Variants in TAF2 observed in about 807,000 individuals in gnomAD.
TAF2 encodes TATA-box binding protein associated factor 2.
In TAF2, 61 loss-of-function variants were observed where a neutral mutation model predicts 138.5. That is an observed-to-expected ratio of 0.44 (90% CI 0.36 to 0.54). TAF2 has a LOEUF of 0.54. Ranked by LOEUF, TAF2 falls within the 20% of genes least tolerant of loss-of-function variation. The pLI is 0.00. For missense variants in TAF2, 1,090 were observed against 1,427.9 expected (o/e 0.76, Z 3.81); for synonymous variants, 475 against 469.9 (o/e 1.01, Z -0.14).
Position 119,788,776 on chromosome 8 carries a change from G to A in TAF2, c.1683+14C>T. 2 of 1,586,558 alleles carry A rather than the reference G, an allele frequency of 1.3e-6. No individual in the cohort carries two copies. The highest frequency in any genetic ancestry group is 1.7e-6 in the Non-Finnish European group (2 of 1,155,024). On this transcript the variant is annotated intron_variant, in intron 13 of 25. Coordinates refer to ENST00000378164, the MANE Select transcript of TAF2 (RefSeq NM_003184.4). ...GAGATAGCAGTACAAAGGCGATTTT[G>A]GAAAAAGACTTACCACGTATTTCTG...
chr8:119,749,176 C>T (rs369116307), intron 22 of TAF2, among the ~76,000 whole-genome samples: 5 of 152,062 alleles, frequency 3.3e-5, no homozygotes, highest in East Asian at 1.9e-4. Flanking sequence ...TGTTTTTGAA[C>T]GTCAGCTTAA....
chr8:119,822,398 T>G (rs1389493749), intron 2 of TAF2, among the ~76,000 whole-genome samples: 1 of 151,926 alleles, frequency 6.6e-6, no homozygotes, highest in Non-Finnish European at 1.5e-5. Flanking sequence ...AATTAAAAAT[T>G]TTTTTCTCTA....
chr8:119,762,381 A>T, intron 19 of TAF2, 34 bp downstream of exon 19: 3 of 1,580,156 alleles, frequency 1.9e-6, no homozygotes, highest in Non-Finnish European at 2.6e-6. Flanking sequence ...AGTTATAAGA[A>T]CATATAACTT....
chr8:119,819,604 A>C, intron 2 of TAF2, 98 bp from the exon 3 acceptor site: 1 of 992,788 alleles, frequency 1.0e-6, no homozygotes, highest in South Asian at 1.3e-5. Flanking sequence ...TATACTACAG[A>C]GACAAAATCC....
chr8:119,812,817 ATACACAC>A (rs1288027961), intron 3 of TAF2, among the ~76,000 whole-genome samples: 2 of 14 alleles, frequency 0.14, no homozygotes, highest in African/African-American at 0.5. Context: ...TACACCACAC[ATACACAC>A]CATTTCCTTT....
intron 2 of TAF2, among the ~76,000 whole-genome samples, chr8:119,824,371 G>T (rs1462096816): frequency 6.6e-6 from 1 of 151,048 alleles, no homozygotes; most frequent in Non-Finnish European, 1.5e-5. Context: ...GGAGGTTGCA[G>T]CGAGCTGAGA....
At chr8:119,779,280 AC>A (rs1822477605) in intron 17 of TAF2, among the ~76,000 whole-genome samples, 2 of 150,720 alleles carry the variant, frequency 1.3e-5, no homozygotes, top group African/African-American at 4.9e-5. Context: ...ACACACACAC[AC>A]TTCAGATGCA....
At chr8:119,744,968 C>T in intron 23 of TAF2, 1 of 456,252 alleles carries the variant, frequency 2.2e-6, no homozygotes, top group Non-Finnish European at 4.4e-6. Context: ...GTGTATCAGA[C>T]TTCCTCTTCA....
intron 25 of TAF2, among the ~76,000 whole-genome samples, chr8:119,737,499 CTTTT>C (rs1275299646): frequency 7.3e-6 from 1 of 136,700 alleles, no homozygotes; most frequent in African/African-American, 2.5e-5. Flanking sequence ...AAGCTTTCAT[CTTTT>C]TCTTTTTCTT....
At chr8:119,830,853 C>G (rs2131278103) in intron 2 of TAF2, among the ~76,000 whole-genome samples, 1 of 152,276 alleles carries the variant, frequency 6.6e-6, no homozygotes, top group East Asian at 1.9e-4. Context: ...TGCCTGTAAT[C>G]CCAGCATTTT....
At position 119,797,687 on chromosome 8, in the gene TAF2, C is replaced by T; in HGVS notation, c.952G>A (p.Ala318Thr). 6.2e-7 allele frequency: 1 copy of T among 1,613,380 alleles called. No homozygotes were observed. Among genetic ancestry groups the T allele is most frequent in the Non-Finnish European group, 8.5e-7 (1 of 1,179,660 alleles). ...CTAAAAATGCTCATGGAAGCATAAGCAGCCACTTCAACATAAGCCTCATCA... is the reference window on the plus strand; with the variant it reads ...CTAAAAATGCTCATGGAAGCATAAGTAGCCACTTCAACATAAGCCTCATCA... ...FIDEAYVEVA[A>T]YASMSIFSTN... The change falls in exon 7 of 26, where the codon GCT (alanine) becomes ACT (threonine). Residue 318 changes from alanine to threonine, a missense_variant. Physicochemically the swap from Ala to Thr is moderately conservative, Grantham distance 58. Transcript: ENST00000378164.
intron 14 of TAF2, 71 bp from the exon 15 acceptor site, chr8:119,785,337 A>T (rs550693313): frequency 9.7e-7 from 1 of 1,035,098 alleles, no homozygotes. Context: ...ACAGCAGCTA[A>T]AATTCAAATA....
rs1305661696 is a variant in TAF2, at chr8:119,772,891, CAT to C, written c.2364+5126_2364+5127del. ...GGTGGAGGTTGCAGTGAGCCGAGAT[CAT>C]GCCACTGCACTCCAGTCTGGTTAAC... is the stretch of plus-strand genomic sequence containing the variant. On this transcript the variant is annotated intron_variant, in intron 18 of 25. Transcript: ENST00000378164. Among the ~76,000 whole-genome samples, 664 of 149,144 alleles carry C rather than the reference CAT, an allele frequency of 4.5e-3. 25 individuals are homozygous for C. The highest frequency in any genetic ancestry group is 0.04 in the Admixed American group (538 of 13,502).
At chr8:119,757,699 C>G (rs540495318) in intron 21 of TAF2, among the ~76,000 whole-genome samples, 103 of 151,828 alleles carry the variant, frequency 6.8e-4, no homozygotes, top group African/African-American at 2.4e-3. Flanking sequence ...AGTTCGAGAC[C>G]AGCCTGGCCA....
In TAF2 at chr8:119,746,806, C is replaced by T. The variant is rs908127203; in HGVS notation, c.3007G>A (p.Ala1003Thr). ...GGAATTATGGTAGGATTCAAGACAG[C>T]TTTTTTCTCCTTTAGATTAAGAACC... The part of the protein sequence containing the change: ...GLVLNLKEKK[A>T]VLNPTIIPES... The change falls in exon 23 of 26, where the codon GCT becomes ACT. Residue 1003 changes from alanine to threonine, a missense_variant. This residue lies in a region of TAF2 where 580 missense variants were observed against 719.6 expected (regional missense o/e 0.81). Transcript: ENST00000378164. 1.9e-6 allele frequency: 3 copies of T among 1,614,132 alleles called. No individual in the cohort carries two copies. The highest frequency in any genetic ancestry group is 1.1e-5 in the South Asian group (1 of 91,082).
chr8:119,748,210 A>G (rs991706165), intron 22 of TAF2, among the ~76,000 whole-genome samples: 7 of 152,102 alleles, frequency 4.6e-5, no homozygotes, highest in African/African-American at 1.4e-4. Flanking sequence ...CTGTTGTTTC[A>G]AAAGAGTACC....
At chr8:119,810,791 A>G (rs1242390355) in intron 3 of TAF2, among the ~76,000 whole-genome samples, 1 of 152,228 alleles carries the variant, frequency 6.6e-6, no homozygotes, top group Admixed American at 6.5e-5. Flanking sequence ...AAAATAAAAT[A>G]ACTATTGTAC....
chr8:119,797,998 A>G (rs1392227812), intron 6 of TAF2, 152 bp from the exon 7 acceptor site: 2 of 784,102 alleles, frequency 2.6e-6, no homozygotes, highest in African/African-American at 1.8e-5. Context: ...GAAAATAGTG[A>G]TCACTTTTAC....
intron 17 of TAF2, among the ~76,000 whole-genome samples, chr8:119,780,219 A>C (rs1220813282): frequency 1.3e-5 from 2 of 152,314 alleles, no homozygotes; most frequent in Non-Finnish European, 2.9e-5. Context: ...CCATCCTGTC[A>C]TTCCCATATC....
Sources: allele counts gnomAD v4.1 joint callset (sites outside exome capture counted in the v4.1 genomes callset), GRCh38; gene constraint gnomAD v4.1.1; regional missense constraint gnomAD v4.1.1; transcripts MANE v1.5; gene names NCBI Gene and HGNC (gene_info 2026-07-23, HGNC 2026-07-21).